Variants in KCNMA1 observed in about 807,000 individuals in gnomAD.
KCNMA1 encodes potassium calcium-activated channel subfamily M alpha 1.
In KCNMA1, 29 loss-of-function variants were observed where a neutral mutation model predicts 140.0. The ratio of observed to expected loss-of-function variants is 0.21; its 90% CI spans 0.15 to 0.28. KCNMA1 has a LOEUF of 0.28. Ranked by LOEUF, KCNMA1 falls within the 10% of genes least tolerant of loss-of-function variation. The pLI is 1.00. For synonymous variants in KCNMA1, 612 were observed against 611.9 expected (o/e 1.00, Z 0.00); for missense variants, 880 against 1,602.2 (o/e 0.55, Z 7.70).
chr10:77,220,939 C>T (rs543906555), intron 3 of KCNMA1, among the ~76,000 whole-genome samples: 2 of 152,264 alleles, frequency 1.3e-5, no homozygotes, highest in South Asian at 4.1e-4. Flanking sequence ...TTATCAATCG[C>T]TAGCCCCCAC....
intron 6 of KCNMA1, among the ~76,000 whole-genome samples, chr10:77,113,589 G>A (rs60065338): frequency 0.35 from 53,394 of 151,850 alleles, 9,955 homozygotes; most frequent in Middle Eastern, 0.45. Context: ...TTAGCCTCCC[G>A]AGTAGCTGGG....
chr10:77,131,783 G>T (rs989442590), intron 5 of KCNMA1, among the ~76,000 whole-genome samples: 1 of 151,884 alleles, frequency 6.6e-6, no homozygotes, highest in African/African-American at 2.4e-5. Flanking sequence ...TGGCCAATAT[G>T]ATGAAACCCC....
chr10:76,877,440 A>G (rs1156559636), downstream of KCNMA1: 1 of 166,012 alleles, frequency 6.0e-6, no homozygotes, highest in African/African-American at 2.4e-5. Context: ...TAGGGAAGAT[A>G]TTTGACAATG....
intron 18 of KCNMA1, among the ~76,000 whole-genome samples, chr10:77,006,887 T>G (rs2088945649): frequency 6.6e-6 from 1 of 150,844 alleles, no homozygotes; most frequent in African/African-American, 2.4e-5. Flanking sequence ...TTGGCAAGAC[T>G]GTGCATTGAA....
rs1207560008 is a variant in KCNMA1, at chr10:77,573,608, AAATGGAATGG to A, written c.378+63647_378+63656del. 2.1e-3 allele frequency among the ~76,000 whole-genome samples: 122 copies of A among 58,154 alleles called. 4 individuals carry two copies. Among genetic ancestry groups the A allele is most frequent in the African/African-American group, 4.4e-3 (89 of 20,348 alleles). 38.2% of individuals were successfully genotyped at this position (58,154 alleles called of 152,430 possible). A position where few individuals can be genotyped will look rare whatever the true frequency, so the allele number is the denominator to read the frequency against. ...GGTTATAAGCAATTATTTTTTAAGA[AAATGGAATGG>A]AATGGAATGGAATGGAATGGAATGG... is the stretch of plus-strand genomic sequence containing the variant. On this transcript the variant is annotated intron_variant, in intron 1 of 27. Coordinates refer to ENST00000286628, the MANE Select transcript of KCNMA1 (RefSeq NM_001161352.2).
chr10:77,552,019 C>G (rs1338737421), intron 1 of KCNMA1, among the ~76,000 whole-genome samples: 1 of 152,158 alleles, frequency 6.6e-6, no homozygotes, highest in Non-Finnish European at 1.5e-5. Flanking sequence ...GGAAAAATCT[C>G]TCTGACCCAT....
chr10:76,955,484 T>C (rs920845745), intron 20 of KCNMA1, among the ~76,000 whole-genome samples: 2 of 152,220 alleles, frequency 1.3e-5, no homozygotes, highest in Non-Finnish European at 2.9e-5. Context: ...ACAAATACTA[T>C]GTGAAGCCAA....
intron 14 of KCNMA1, among the ~76,000 whole-genome samples, chr10:77,070,337 G>A (rs1381490721): frequency 6.6e-6 from 1 of 152,030 alleles, no homozygotes; most frequent in African/African-American, 2.4e-5. Flanking sequence ...AAATTAAAAA[G>A]CCCAGTGGAT....
chr10:77,223,960 C>A (rs2050501560), intron 3 of KCNMA1, among the ~76,000 whole-genome samples: 1 of 152,202 alleles, frequency 6.6e-6, no homozygotes, highest in Non-Finnish European at 1.5e-5. Flanking sequence ...ATGGACCCAG[C>A]AGCTACAGGA....
intron 19 of KCNMA1, chr10:76,970,980 T>C (rs1161577735): frequency 6.6e-6 from 1 of 152,222 alleles, no homozygotes; most frequent in Non-Finnish European, 1.5e-5. Context: ...ACTAATAAGC[T>C]TTGCAGATGT....
At chr10:77,291,864 T>C (rs2073385075) in intron 2 of KCNMA1, among the ~76,000 whole-genome samples, 1 of 152,170 alleles carries the variant, frequency 6.6e-6, no homozygotes, top group South Asian at 2.1e-4. Context: ...GGCTCCAGTA[T>C]GTTAGATAAA....
Position 76,887,183 on chromosome 10 carries a change from C to T in KCNMA1, c.*83G>A. 6.2e-7 allele frequency: 1 copy of T among 1,612,752 alleles called. No individual in the cohort carries two copies. The highest frequency in any genetic ancestry group is 8.5e-7 in the Non-Finnish European group (1 of 1,179,864). ...AAAAGGGGGGGACTACAGGGGAAAA[C>T]AGGGAAAGTTACTTTGTTGGAAACA... On this transcript the variant is annotated 3_prime_UTR_variant, in exon 28 of 28. Transcript: ENST00000286628.
intron 2 of KCNMA1, among the ~76,000 whole-genome samples, chr10:77,312,035 C>G (rs1278305598): frequency 6.6e-6 from 1 of 152,236 alleles, no homozygotes; most frequent in African/African-American, 2.4e-5. Context: ...AATTCAGATG[C>G]ACACAGCCCA....
chr10:77,368,182 G>A (rs1286497487), intron 2 of KCNMA1, among the ~76,000 whole-genome samples: 2 of 152,090 alleles, frequency 1.3e-5, no homozygotes, highest in African/African-American at 4.8e-5. Flanking sequence ...AGTTCCAGTT[G>A]CCCCCCATCC....
chr10:77,599,736 T>C (rs1460263277), intron 1 of KCNMA1, among the ~76,000 whole-genome samples: 5 of 152,194 alleles, frequency 3.3e-5, no homozygotes, highest in African/African-American at 1.2e-4. Context: ...TTTGTTTTAA[T>C]AGAGGTCTGC....
chr10:76,991,680 A>G (rs912694853), intron 19 of KCNMA1, among the ~76,000 whole-genome samples: 1 of 152,120 alleles, frequency 6.6e-6, no homozygotes, highest in Non-Finnish European at 1.5e-5. Context: ...CCTTCAGGCC[A>G]TTTCCTATTC....
At chr10:77,312,695 G>C (rs10824523) in intron 2 of KCNMA1, among the ~76,000 whole-genome samples, 39,561 of 152,094 alleles carry the variant, frequency 0.26, 6,516 homozygotes, top group Non-Finnish European at 0.38. Flanking sequence ...GGGGAGAAAA[G>C]GGAGTACTCA....
intron 3 of KCNMA1, among the ~76,000 whole-genome samples, chr10:77,232,240 T>A (rs1269763405): frequency 6.6e-6 from 1 of 152,238 alleles, no homozygotes; most frequent in Non-Finnish European, 1.5e-5. Context: ...AAGTTTTGTG[T>A]GGACATGTAT....
intron 2 of KCNMA1, among the ~76,000 whole-genome samples, chr10:77,368,079 T>G (rs1241230787): frequency 6.6e-6 from 1 of 152,254 alleles, no homozygotes; most frequent in Non-Finnish European, 1.5e-5. Context: ...TTTCTGGTAA[T>G]ATGCTAAGTA....
Sources: allele counts gnomAD v4.1 joint callset (sites outside exome capture counted in the v4.1 genomes callset), GRCh38; gene constraint gnomAD v4.1.1; transcripts MANE v1.5; gene names NCBI Gene and HGNC (gene_info 2026-07-23, HGNC 2026-07-21).